Variants in SHBG observed in about 807,000 individuals in gnomAD.
SHBG encodes sex hormone binding globulin.
A neutral mutation model predicts 41.9 loss-of-function variants in SHBG; 37 were observed. That is an observed-to-expected ratio of 0.88 (90% confidence interval 0.68 to 1.16). SHBG has a LOEUF of 1.16. Ranked by LOEUF, SHBG falls within the 50% of genes most tolerant of loss-of-function variation. The pLI is 0.00. For missense variants in SHBG, 466 were observed against 499.9 expected, an observed-to-expected ratio of 0.93 and a Z score of 0.65; for synonymous variants, 217 against 205.8, an observed-to-expected ratio of 1.05 and a Z score of -0.47.
chr17:7,626,243 G>T, upstream of SHBG: 1 of 570,666 alleles, frequency 1.8e-6, no homozygotes, highest in Non-Finnish European at 3.1e-6. Flanking sequence ...ATCAGGACAT[G>T]TAATTCTTAT....
upstream of SHBG, chr17:7,627,789 G>A (rs1184269355): frequency 2.4e-6 from 2 of 837,210 alleles, no homozygotes; most frequent in Non-Finnish European, 4.0e-6. The surrounding 1 kb of genome is among the most constrained non-coding windows in gnomAD (Gnocchi z 4.8). Flanking sequence ...CTGGTAAGTG[G>A]AGCTGGGATT....
upstream of SHBG, chr17:7,627,944 G>GCC: frequency 1.9e-6 from 1 of 513,908 alleles, no homozygotes; most frequent in Non-Finnish European, 3.6e-6. This position sits in a 1 kb window ranked among gnomAD's most constrained non-coding sequence, Gnocchi z 4.8. Flanking sequence ...TCCCCCCCAA[G>GCC]CCCCACCCCC....
chr17:7,614,494 T>G, intron 1 of SHBG: 1 of 1,535,824 alleles, frequency 6.5e-7, no homozygotes. Flanking sequence ...CGACGGGCAG[T>G]CCCGGCTCCA....
At chr17:7,620,983 A>G (rs1309664968) in intron 1 of SHBG, among the ~76,000 whole-genome samples, 1 of 150,550 alleles carries the variant, frequency 6.6e-6, no homozygotes, top group African/African-American at 2.4e-5. Flanking sequence ...GTGATCCCAG[A>G]TACTTGAGAG....
At chr17:7,631,142 G>A (rs2072395099) in intron 3 of SHBG, 58 bp from the exon 4 acceptor site, 2 of 1,468,530 alleles carry the variant, frequency 1.4e-6, no homozygotes, top group African/African-American at 2.8e-5. Flanking sequence ...CTGCCTCACA[G>A]GAAGGTGGCA....
intron 1 of SHBG, chr17:7,614,631 G>A: frequency 1.5e-6 from 1 of 652,286 alleles, no homozygotes; most frequent in Non-Finnish European, 2.2e-6. Flanking sequence ...GGAGGAGCCG[G>A]AGGGGGAGCC....
chr17:7,616,661 G>A (rs571052336), intron 1 of SHBG, among the ~76,000 whole-genome samples: 5 of 151,660 alleles, frequency 3.3e-5, no homozygotes, highest in South Asian at 2.1e-4. Context: ...ATAGTGGCCC[G>A]GCGCGGTGGC....
At chr17:7,621,094 CAAAAAAA>C (rs61026446) in intron 1 of SHBG, among the ~76,000 whole-genome samples, 14 of 52,274 alleles carry the variant, frequency 2.7e-4, no homozygotes, top group African/African-American at 6.9e-4. Context: ...GACCCTGTCA[CAAAAAAA>C]AAAAAAAAAA....
At chr17:7,627,925 A>C (rs2072274205), upstream of SHBG, 1 of 556,952 alleles carries the variant, frequency 1.8e-6, no homozygotes, top group Non-Finnish European at 3.3e-6. The surrounding 1 kb of genome is among the most constrained non-coding windows in gnomAD (Gnocchi z 4.8). Context: ...GAGAACAGGC[A>C]CGGCCGCGTC....
At chr17:7,626,881 G>T, upstream of SHBG, 1 of 1,601,356 alleles carries the variant, frequency 6.2e-7, no homozygotes. Flanking sequence ...TGGGGACAGG[G>T]GATAACAGTG....
chr17:7,628,925 G>A (rs560640044), upstream of SHBG, among the ~76,000 whole-genome samples: 7 of 152,162 alleles, frequency 4.6e-5, no homozygotes, highest in South Asian at 2.1e-4. Context: ...GTGTGGTGGC[G>A]CATGCCTTTA....
intron 7 of SHBG, 78 bp downstream of exon 7, chr17:7,633,037 G>A: frequency 6.9e-7 from 1 of 1,454,870 alleles, no homozygotes; most frequent in Non-Finnish European, 9.6e-7. Flanking sequence ...TTGAGGGGAA[G>A]GAAACCTCTG....
upstream of SHBG, chr17:7,627,051 G>T (rs1160897916): frequency 6.2e-7 from 1 of 1,613,768 alleles, no homozygotes; most frequent in Non-Finnish European, 8.5e-7. The surrounding 1 kb of genome is among the most constrained non-coding windows in gnomAD (Gnocchi z 4.8). Flanking sequence ...GGCCCTGAGA[G>T]AGAGAAAAGG....
At chr17:7,633,092 G>A (rs2150971318) in intron 7 of SHBG, 112 bp from the exon 8 acceptor site, 1 of 1,431,344 alleles carries the variant, frequency 7.0e-7, no homozygotes, top group Non-Finnish European at 9.8e-7. Flanking sequence ...TGGGGGCAGT[G>A]GAAGGTAGTG....
At position 7,632,010 on chromosome 17, in the gene SHBG, G is replaced by T. The variant is rs867013788; in HGVS notation, c.847G>T (p.Asp283Tyr). 1.2e-6 allele frequency: 2 copies of T among 1,613,626 alleles called. No individual in the cohort carries two copies. Among genetic ancestry groups the T allele is most frequent in the Non-Finnish European group, 1.7e-6 (2 of 1,180,014 alleles). The change falls in exon 6 of 8, where the codon GAT becomes TAT. Residue 283 changes from aspartate to tyrosine, a missense_variant. Asp to Tyr is a radical substitution (Grantham distance 160, BLOSUM62 -3). Transcript: ENST00000380450. ...NPSWLSLHLQ[D>Y]QKVVLSSGSG... ...ATCTTGGCTCAGTCTCCACCTCCAA[G>T]ATCAAGTAAAGGGGGACAGTGGGGC...
At chr17:7,626,119 G>C (rs1057157642), upstream of SHBG, 1 of 197,910 alleles carries the variant, frequency 5.1e-6, no homozygotes, top group Admixed American at 5.5e-5. Flanking sequence ...GCTTGAACCC[G>C]TGAGGCAGAG....
At chr17:7,632,696 A>T in intron 6 of SHBG, 56 bp from the exon 7 acceptor site, 1 of 1,386,154 alleles carries the variant, frequency 7.2e-7, no homozygotes, top group Non-Finnish European at 1.0e-6. Context: ...CACAGGCAGT[A>T]GGCCCGGCTC....
chr17:7,631,536 G>A lies in SHBG; in HGVS notation c.556-53G>A, dbSNP rs191350113. 4.3e-4 allele frequency: 691 copies of A among 1,605,648 alleles called. 6 individuals carry two copies. In the East Asian group the frequency reaches 9.5e-3, roughly 22 times the overall value. On this transcript the variant is annotated intron_variant, in intron 4 of 7. Coordinates refer to ENST00000380450, the MANE Select transcript of SHBG (RefSeq NM_001040.5). The stretch of plus-strand genomic sequence containing the variant: ...TGAGGGCAGGGAGGTCGGGACTGCG[G>A]CTCCGATGCCCTGATTTCTACATCC...
intron 1 of SHBG, among the ~76,000 whole-genome samples, chr17:7,616,314 A>G (rs1313799964): frequency 6.7e-6 from 1 of 149,536 alleles, no homozygotes; most frequent in African/African-American, 2.5e-5. Context: ...CTTCTTTAAA[A>G]ATAATAATAA....
Sources: gnomAD v4.1 joint callset for allele counts (sites outside exome capture counted in the v4.1 genomes callset) on GRCh38, gnomAD v4.1.1 for gene constraint, Gnocchi (gnomAD v3.1) non-coding constraint, MANE v1.5 for transcripts, NCBI Gene and HGNC (gene_info 2026-07-23, HGNC 2026-07-21) for gene names.